The following RNF213 variants were observed in gnomAD, a reference collection of about 807,000 sequenced individuals.
RNF213 encodes the protein E3 ubiquitin-protein ligase RNF213.
RNF213 carries 341 observed loss-of-function variants against 514.4 expected under a neutral mutation model. The observed-to-expected ratio is 0.66, with a 90% CI of 0.61 to 0.73. RNF213 has a LOEUF of 0.73. Among genes scored for constraint, RNF213 ranks in the 30% least tolerant of loss-of-function variants. RNF213 has a pLI of 0.00. For missense variants in RNF213, 5,767 were observed against 6,615.6 expected, an observed-to-expected ratio of 0.87 and a Z score of 4.45; for synonymous variants, 2,655 against 2,658.2, an observed-to-expected ratio of 1.00 and a Z score of 0.04.
intron 3 of RNF213, among the ~76,000 whole-genome samples, chr17:80,282,949 C>T (rs1189800774): frequency 1.3e-5 from 2 of 152,130 alleles, no homozygotes; most frequent in African/African-American, 4.8e-5. Flanking sequence ...CCGCCCGCCT[C>T]GTTCTCTCAA....
chr17:80,350,871 A>T (rs2078484450), intron 31 of RNF213, among the ~76,000 whole-genome samples: 1 of 152,272 alleles, frequency 6.6e-6, no homozygotes, highest in Non-Finnish European at 1.5e-5. Context: ...ATGCCTTTGA[A>T]GCCTGTGTTT....
chr17:80,307,085 G>A (rs2045387735), intron 12 of RNF213, 43 bp from the exon 13 acceptor site: 2 of 1,585,206 alleles, frequency 1.3e-6, no homozygotes, highest in Non-Finnish European at 1.7e-6. Flanking sequence ...GTGGCATTGT[G>A]ATTCAATCTT....
At chr17:80,316,693 T>C (rs2045959366) in intron 15 of RNF213, 2 of 253,804 alleles carry the variant, frequency 7.9e-6, no homozygotes, top group Non-Finnish European at 1.6e-5. Flanking sequence ...CCCAGGTATG[T>C]AGTGGCAAGG....
At chr17:80,290,459 ATGTG>A in intron 6 of RNF213, 107 bp from the exon 7 acceptor site, 1 of 1,289,292 alleles carries the variant, frequency 7.8e-7, no homozygotes. Context: ...GTGCGAGTGC[ATGTG>A]TGTGTGCACG....
intron 3 of RNF213, among the ~76,000 whole-genome samples, chr17:80,279,865 T>G (rs889954131): frequency 6.6e-6 from 1 of 152,228 alleles, no homozygotes; most frequent in African/African-American, 2.4e-5. Flanking sequence ...AAAGGACTTT[T>G]GCTTTTGGGG....
At chr17:80,282,066 A>G (rs1165895671) in intron 3 of RNF213, among the ~76,000 whole-genome samples, 1 of 152,008 alleles carries the variant, frequency 6.6e-6, no homozygotes, top group Non-Finnish European at 1.5e-5. Context: ...CATGTTGGCT[A>G]GGCTGGTTTC....
chr17:80,277,083 A>T (rs1176470712), intron 3 of RNF213, among the ~76,000 whole-genome samples: 1 of 152,028 alleles, frequency 6.6e-6, no homozygotes, highest in Non-Finnish European at 1.5e-5. Flanking sequence ...CCAAAAAAAA[A>T]ACAAAAAAAG....
rs1222354994 is a variant in RNF213, at chr17:80,347,234, G to A, written c.8899G>A (p.Ala2967Thr). The A allele has an allele frequency of 6.2e-7, 1 of 1,613,248 alleles. No individual in the cohort carries two copies. Among genetic ancestry groups the A allele is most frequent in the African/African-American group, 1.3e-5 (1 of 75,030 alleles). The change falls in exon 29 of 68, where the codon GCA becomes ACA. Residue 2967 changes from alanine (A) to threonine (T), a missense_variant. This residue lies in a region of RNF213 where 919 missense variants were observed against 1,121.0 expected (regional missense o/e 0.82). Transcript: ENST00000582970. The surrounding 1 kb of genome is among the most constrained non-coding windows in gnomAD (Gnocchi z 7.2). ...YSLIKMVFAA[A>T]KASNRKPSPQ... The stretch of plus-strand genomic sequence containing the variant: ...CCTCATCAAAATGGTCTTTGCTGCA[G>A]CAAAGGCTTCAAATAGAAAGCCTTC...
At chr17:80,325,800 G>T (rs1401290683) in intron 18 of RNF213, among the ~76,000 whole-genome samples, 1 of 152,088 alleles carries the variant, frequency 6.6e-6, no homozygotes, top group African/African-American at 2.4e-5. Flanking sequence ...CAGTGAGAAG[G>T]CGCTGGATGT....
At chr17:80,268,464 A>G (rs1047021185) in intron 2 of RNF213, among the ~76,000 whole-genome samples, 15 of 149,500 alleles carry the variant, frequency 1.0e-4, no homozygotes, top group Non-Finnish European at 2.1e-4. Flanking sequence ...ATTCCCATTC[A>G]CCTCCCCTAT....
At chr17:80,374,793 G>A (rs1314758092) in intron 50 of RNF213, 5 of 594,714 alleles carry the variant, frequency 8.4e-6, no homozygotes, top group Non-Finnish European at 1.5e-5. Flanking sequence ...GGACAGCTAT[G>A]ACAGTTGAGC....
rs774870039 is a variant in RNF213 at position 80,390,217 on chromosome 17, G to A, written c.15470+21G>A. ...TGGAGGTATGGATTTGCACACCTAT[G>A]GGGCGGGGCAGACACAATGTTGTGC... is the stretch of plus-strand genomic sequence containing the variant. On this transcript the variant is annotated intron_variant, in intron 67 of 67. Transcript: ENST00000582970. 8.1e-6 allele frequency: 13 copies of A among 1,611,790 alleles called. No individual in the cohort carries two copies. The African/African-American group carries it at 1.6e-4, about 20-fold the overall frequency.
In RNF213 at chr17:80,348,409, G is replaced by A. The variant is rs1055136824; in HGVS notation, c.9951+123G>A. ...GGATCCTGCAGGGAGATGCTGAGAC[G>A]CTGAGCTCTCCTCCGCGGTAAGTGT... On this transcript the variant is annotated intron_variant, in intron 29 of 67. Transcript: ENST00000582970. 5 of 1,377,518 alleles carry A rather than the reference G, an allele frequency of 3.6e-6. No homozygotes were observed. The East Asian group carries it at 9.2e-5, about 25-fold the overall frequency. The allele number at this position is 1,377,518 out of a possible 1,614,324, so 85.3% of individuals were successfully genotyped here.
At chr17:80,363,043 G>A in intron 39 of RNF213, 59 bp from the exon 40 acceptor site, 2 of 1,468,618 alleles carry the variant, frequency 1.4e-6, no homozygotes, top group Middle Eastern at 3.8e-4. Flanking sequence ...TTTCCCACGG[G>A]GAAAACATAC....
chr17:80,358,573 C>G, intron 37 of RNF213, 94 bp downstream of exon 37: 1 of 1,203,356 alleles, frequency 8.3e-7, no homozygotes, highest in South Asian at 1.2e-5. Flanking sequence ...AAACGCAGCC[C>G]TCAACTTCAG....
intron 42 of RNF213, 58 bp downstream of exon 42, chr17:80,364,611 A>G: frequency 6.2e-7 from 1 of 1,609,456 alleles, no homozygotes; most frequent in Non-Finnish European, 8.5e-7. Context: ...CGAAAGGAAG[A>G]ACAGCACTGA....
chr17:80,288,401 G>A lies in RNF213; in HGVS notation c.810+38G>A, dbSNP rs761656088. On this transcript the variant is annotated intron_variant, in intron 4 of 67. Transcript: ENST00000582970. This position sits in a 1 kb window ranked among gnomAD's most constrained non-coding sequence, Gnocchi z 4.9. ...GGAGAGATGGCCTGGGAGTGGCACT[G>A]AGCCCTCGGCACCTGGGCTCTGCTG... 1.2e-6 allele frequency: 2 copies of A among 1,609,068 alleles called. No homozygotes were observed. Among genetic ancestry groups the A allele is most frequent in the South Asian group, 1.1e-5 (1 of 90,984 alleles).
At chr17:80,384,171 T>TG (rs376608771) in intron 59 of RNF213, among the ~76,000 whole-genome samples, 249 of 152,274 alleles carry the variant, frequency 1.6e-3, no homozygotes, top group African/African-American at 5.8e-3. Context: ...CAGTGACCTG[T>TG]GGGGAAGCTG....
At chr17:80,281,846 C>T (rs1002800823) in intron 3 of RNF213, among the ~76,000 whole-genome samples, 2 of 152,090 alleles carry the variant, frequency 1.3e-5, no homozygotes, top group East Asian at 3.9e-4. Context: ...TCCGCCTGTA[C>T]ACTTAATTTT....
Sources: gnomAD v4.1 joint callset for allele counts (sites outside exome capture counted in the v4.1 genomes callset) on GRCh38, gnomAD v4.1.1 for gene constraint, gnomAD v4.1.1 regional missense constraint, Gnocchi (gnomAD v3.1) non-coding constraint, MANE v1.5 for transcripts, NCBI Gene and HGNC (gene_info 2026-07-23, HGNC 2026-07-21) for gene names.